The following SDC2 variants were observed in gnomAD, a reference collection of about 807,000 sequenced individuals.
The protein encoded by SDC2 is syndecan 2, also known as syndecan-2.
SDC2 carries 13 observed loss-of-function variants against 22.2 expected under a neutral mutation model. That is an observed-to-expected ratio of 0.59 (90% CI 0.38 to 0.93). The LOEUF is 0.93. Among genes scored for constraint, SDC2 ranks in the 40% least tolerant of loss-of-function variants. The probability of loss-of-function intolerance (pLI) is 0.00; values close to 1 mark genes in which losing one functional copy is unlikely to be tolerated. For synonymous variants in SDC2, 94 were observed against 92.8 expected (o/e 1.01, Z -0.07); for missense variants, 235 against 246.8 (o/e 0.95, Z 0.32).
At chr8:96,584,638 C>T (rs958570162) in intron 1 of SDC2, among the ~76,000 whole-genome samples, 11 of 152,318 alleles carry the variant, frequency 7.2e-5, no homozygotes, top group Non-Finnish European at 1.2e-4. Context: ...TCAGGTTAGG[C>T]TCACACAGCT....
intron 2 of SDC2, among the ~76,000 whole-genome samples, chr8:96,601,526 A>G (rs1315046773): frequency 6.6e-6 from 1 of 151,072 alleles, no homozygotes; most frequent in East Asian, 2.0e-4. Flanking sequence ...CTGTAGTCCC[A>G]GCTACTCGGG....
intron 1 of SDC2, among the ~76,000 whole-genome samples, chr8:96,579,600 ATTATC>A (rs1814558255): frequency 6.6e-6 from 1 of 152,242 alleles, no homozygotes; most frequent in Non-Finnish European, 1.5e-5. Flanking sequence ...AAAATAGTAT[ATTATC>A]TTGCAAATTA....
chr8:96,609,565 C>A lies in SDC2; in HGVS notation c.*17C>A. On this transcript the variant is annotated 3_prime_UTR_variant, in exon 5 of 5. Coordinates refer to ENST00000302190, the MANE Select transcript of SDC2 (RefSeq NM_002998.4). Reference sequence around the variant, plus strand: ...TATGCGTAAAACTCCAACTTAGTGTCTCTATTTATGAGATCACTGAACTTT... The same window carrying A: ...TATGCGTAAAACTCCAACTTAGTGTATCTATTTATGAGATCACTGAACTTT... 1 of 1,560,504 alleles carries A rather than the reference C, an allele frequency of 6.4e-7. No homozygotes were observed.
chr8:96,512,210 A>G (rs1349268902), intron 1 of SDC2, among the ~76,000 whole-genome samples: 1 of 152,230 alleles, frequency 6.6e-6, no homozygotes, highest in East Asian at 1.9e-4. Flanking sequence ...TGTAGTCTCT[A>G]CATGGGTGGC....
intron 1 of SDC2, among the ~76,000 whole-genome samples, chr8:96,515,484 G>T (rs1372185120): frequency 6.6e-6 from 1 of 152,164 alleles, no homozygotes; most frequent in Non-Finnish European, 1.5e-5. Flanking sequence ...GGTTGCTCTT[G>T]ATATGGGAAA....
chr8:96,496,492 G>A (rs1813076991), intron 1 of SDC2, among the ~76,000 whole-genome samples: 1 of 152,180 alleles, frequency 6.6e-6, no homozygotes, highest in South Asian at 2.1e-4. Flanking sequence ...AATAGAAGCT[G>A]TTTCAAGGCC....
At chr8:96,595,347 T>C (rs1814854571) in intron 2 of SDC2, among the ~76,000 whole-genome samples, 1 of 152,158 alleles carries the variant, frequency 6.6e-6, no homozygotes, top group South Asian at 2.1e-4. Flanking sequence ...AGAGAGGTGG[T>C]TGCTGACCTA....
intron 1 of SDC2, among the ~76,000 whole-genome samples, chr8:96,581,081 A>T (rs191289980): frequency 6.6e-6 from 1 of 152,300 alleles, no homozygotes; most frequent in East Asian, 1.9e-4. Flanking sequence ...TATTTTTAGA[A>T]AATGAAATGT....
At chr8:96,501,639 A>G (rs1242780666) in intron 1 of SDC2, among the ~76,000 whole-genome samples, 1 of 152,076 alleles carries the variant, frequency 6.6e-6, no homozygotes, top group East Asian at 1.9e-4. Context: ...GTAATTTGTT[A>G]TTAAATATAA....
chr8:96,540,173 C>T (rs1813822247), intron 1 of SDC2, among the ~76,000 whole-genome samples: 2 of 150,678 alleles, frequency 1.3e-5, no homozygotes, highest in Non-Finnish European at 1.5e-5. Context: ...AAAAAAAAAG[C>T]CCCCCCGCCC....
intron 1 of SDC2, among the ~76,000 whole-genome samples, chr8:96,589,347 C>T (rs1814738275): frequency 6.6e-6 from 1 of 152,038 alleles, no homozygotes; most frequent in Non-Finnish European, 1.5e-5. Flanking sequence ...CAGCTGAGGC[C>T]ACTTGGTAAA....
intron 1 of SDC2, among the ~76,000 whole-genome samples, chr8:96,515,931 C>T (rs1001686722): frequency 6.6e-6 from 1 of 152,074 alleles, no homozygotes; most frequent in Non-Finnish European, 1.5e-5. Flanking sequence ...CACCAACTTA[C>T]GGCTCCCTAG....
intron 3 of SDC2, among the ~76,000 whole-genome samples, chr8:96,603,646 C>T (rs1229483674): frequency 1.3e-5 from 2 of 152,146 alleles, no homozygotes; most frequent in African/African-American, 4.8e-5. Context: ...TTTTCTTACC[C>T]TTGCCCCAGA....
At chr8:96,583,059 ATTTT>A (rs60193555) in intron 1 of SDC2, among the ~76,000 whole-genome samples, 11 of 107,240 alleles carry the variant, frequency 1.0e-4, no homozygotes, top group East Asian at 5.1e-4. Context: ...CTGAAGTGTG[ATTTT>A]TTTTTTTTTT....
chr8:96,579,250 A>G (rs1192102336), intron 1 of SDC2, among the ~76,000 whole-genome samples: 1 of 152,236 alleles, frequency 6.6e-6, no homozygotes, highest in Non-Finnish European at 1.5e-5. Context: ...ATAACAGACT[A>G]GATTATGTTG....
intron 1 of SDC2, among the ~76,000 whole-genome samples, chr8:96,544,466 C>A (rs1813900562): frequency 6.6e-6 from 1 of 152,176 alleles, no homozygotes; most frequent in African/African-American, 2.4e-5. Flanking sequence ...TCAAGAACTA[C>A]CTGAAATGCT....
At chr8:96,583,392 A>G (rs2651471) in intron 1 of SDC2, among the ~76,000 whole-genome samples, 1,556 of 102,196 alleles carry the variant, frequency 0.015, 31 homozygotes, top group Admixed American at 0.073. Flanking sequence ...TATATGACAT[A>G]TGTGTGTGTG....
At chr8:96,542,077 A>G (rs1256333895) in intron 1 of SDC2, among the ~76,000 whole-genome samples, 2 of 152,166 alleles carry the variant, frequency 1.3e-5, no homozygotes, top group Non-Finnish European at 2.9e-5. Flanking sequence ...GCCATGAAAA[A>G]GCACCAGAAA....
chr8:96,609,332 T>A, intron 4 of SDC2, 53 bp from the exon 5 acceptor site: 1 of 1,425,454 alleles, frequency 7.0e-7, no homozygotes, highest in Non-Finnish European at 9.5e-7. Context: ...ATAAAGCTAA[T>A]GTCTGCAACC....
Sources: allele counts gnomAD v4.1 joint callset (sites outside exome capture counted in the v4.1 genomes callset), GRCh38; gene constraint gnomAD v4.1.1; transcripts MANE v1.5; gene names NCBI Gene and HGNC (gene_info 2026-07-23, HGNC 2026-07-21).